Variants in ABCC9 observed in about 807,000 individuals in gnomAD.
ABCC9 encodes the protein ATP binding cassette subfamily C member 9, also known as ATP-binding cassette sub-family C member 9.
Under a neutral mutation model 188.3 loss-of-function variants are expected in ABCC9, and 95 were observed. That is an observed-to-expected ratio of 0.50 (90% CI 0.43 to 0.60). The LOEUF is 0.60. Among genes scored for constraint, ABCC9 ranks in the 20% least tolerant of loss-of-function variants. ABCC9 has a pLI of 0.00. For synonymous variants in ABCC9, 659 were observed against 652.7 expected (o/e 1.01, Z -0.15); for missense variants, 1,102 against 1,876.3 (o/e 0.59, Z 7.62).
Position 21,906,105 on chromosome 12 carries a change from CT to C in ABCC9, c.1618+20del, listed in dbSNP as rs1948034501. 1.2e-6 allele frequency: 2 copies of C among 1,612,040 alleles called. No individual in the cohort carries two copies. On this transcript the variant is annotated intron_variant, in intron 12 of 39. Coordinates refer to ENST00000261200, the MANE Select transcript of ABCC9 (RefSeq NM_020297.4). ...CTGGTTGCCCTTAAAGTCGCCTGTT[CT>C]TAGAGCAACAGCAACTTACTGGAGA...
At chr12:21,904,246 T>C (rs1947922248) in intron 12 of ABCC9, among the ~76,000 whole-genome samples, 1 of 152,182 alleles carries the variant, frequency 6.6e-6, no homozygotes. Flanking sequence ...TGAAACTGGA[T>C]CCCTTCTTTA....
At chr12:21,900,373 A>G (rs1947675498) in intron 12 of ABCC9, among the ~76,000 whole-genome samples, 1 of 152,228 alleles carries the variant, frequency 6.6e-6, no homozygotes, top group African/African-American at 2.4e-5. Flanking sequence ...AACAGAGCAG[A>G]AAAACTGAAA....
intron 29 of ABCC9, 65 bp from the exon 30 acceptor site, chr12:21,838,235 T>C (rs1254704478): frequency 1.7e-6 from 2 of 1,173,720 alleles, no homozygotes; most frequent in East Asian, 2.3e-5. Context: ...CCATGTTTAT[T>C]CTTTAAGAGA....
intron 38 of ABCC9, 38 bp downstream of exon 38, chr12:21,807,308 C>G (rs751517595): frequency 6.2e-7 from 1 of 1,613,336 alleles, no homozygotes; most frequent in South Asian, 1.1e-5. Flanking sequence ...CACATTTCTC[C>G]AATTCGTCAA....
At position 21,863,981 on chromosome 12, in the gene ABCC9, A is replaced by G. The variant is rs1592100943; in HGVS notation, c.2237+458T>C. On this transcript the variant is annotated intron_variant, in intron 19 of 39. Coordinates refer to ENST00000261200, the MANE Select transcript of ABCC9 (RefSeq NM_020297.4). ...ATGCAGAGTAAAACAATGGTTCCCA[A>G]CCTCTGACATGCCTGCTTTCCCCCC... is the stretch of plus-strand genomic sequence containing the variant. 5.3e-5 allele frequency among the ~76,000 whole-genome samples: 8 copies of G among 152,064 alleles called. No individual in the cohort carries two copies. In the South Asian group the frequency reaches 1.7e-3, roughly 32 times the overall value.
At chr12:21,881,763 T>C (rs778232356) in intron 16 of ABCC9, among the ~76,000 whole-genome samples, 15 of 151,786 alleles carry the variant, frequency 9.9e-5, no homozygotes, top group Admixed American at 2.0e-4. Context: ...GTGATTCTAA[T>C]GCATAGCCAA....
At chr12:21,880,400 A>G (rs1946564464) in intron 16 of ABCC9, among the ~76,000 whole-genome samples, 1 of 152,202 alleles carries the variant, frequency 6.6e-6, no homozygotes, top group Non-Finnish European at 1.5e-5. Context: ...ATCCTAGACT[A>G]TATTAAAATT....
chr12:21,802,831 T>C (rs949006789), intron 39 of ABCC9, among the ~76,000 whole-genome samples: 1 of 152,158 alleles, frequency 6.6e-6, no homozygotes, highest in African/African-American at 2.4e-5. Flanking sequence ...GTTGAGGGCC[T>C]ACATTCTGCC....
At chr12:21,848,967 C>G (rs1039814566) in intron 24 of ABCC9, among the ~76,000 whole-genome samples, 1 of 152,116 alleles carries the variant, frequency 6.6e-6, no homozygotes, top group Non-Finnish European at 1.5e-5. Flanking sequence ...TTTCTCCATG[C>G]CCTGCTTCCA....
chr12:21,939,285 C>T (rs140797865), intron 2 of ABCC9, among the ~76,000 whole-genome samples: 5 of 152,236 alleles, frequency 3.3e-5, no homozygotes, highest in African/African-American at 1.2e-4. Flanking sequence ...CCTCATTTAT[C>T]CTTTCCCTTT....
intron 22 of ABCC9, among the ~76,000 whole-genome samples, chr12:21,857,226 A>T (rs1204992799): frequency 6.6e-6 from 1 of 152,220 alleles, no homozygotes; most frequent in Non-Finnish European, 1.5e-5. Flanking sequence ...AGGGACACTT[A>T]TATAAACACT....
At chr12:21,882,279 C>T (rs774202490) in intron 16 of ABCC9, among the ~76,000 whole-genome samples, 6 of 152,130 alleles carry the variant, frequency 3.9e-5, no homozygotes, top group Non-Finnish European at 5.9e-5. Context: ...GCCTGTTCTG[C>T]CTTAACTTAA....
intron 12 of ABCC9, among the ~76,000 whole-genome samples, chr12:21,900,805 G>T (rs1189110669): frequency 6.6e-6 from 1 of 152,196 alleles, no homozygotes; most frequent in Non-Finnish European, 1.5e-5. Context: ...GGGACTATAT[G>T]AAAAGACCAA....
rs1942708107 is a variant in ABCC9 at position 21,817,275 on chromosome 12, G to A, written c.3804C>T (p.Asn1268=). 1.9e-6 allele frequency: 3 copies of A among 1,613,780 alleles called. No homozygotes were observed. Among genetic ancestry groups the A allele is most frequent in the Non-Finnish European group, 2.5e-6 (3 of 1,179,832 alleles). The change falls in exon 33 of 40, where the codon AAC becomes AAT. Residue 1268 remains asparagine (N), a synonymous_variant. Transcript: ENST00000261200. ...ITNYLNWVVR[N]LADLEVQMGA... ...CCATCTGGACCTCCAGGTCAGCCAA[G>A]TTCCTCACAACCCAATTCAAATAAT...
intron 12 of ABCC9, among the ~76,000 whole-genome samples, chr12:21,897,154 G>A (rs1050546249): frequency 3.9e-5 from 6 of 152,122 alleles, no homozygotes; most frequent in African/African-American, 1.4e-4. Context: ...GTTTTGATTT[G>A]CATTTCTCTA....
chr12:21,818,115 T>C lies in ABCC9; in HGVS notation c.3771+35A>G, dbSNP rs1261643723. The C allele has an allele frequency of 2.1e-6, 3 of 1,454,758 alleles. No homozygotes were observed. The Admixed American group carries it at 5.0e-5, about 24-fold the overall frequency. 90.1% of individuals were successfully genotyped at this position (1,454,758 alleles called of 1,614,324 possible). On this transcript the variant is annotated intron_variant, in intron 32 of 39. Transcript: ENST00000261200. Reference sequence around the variant, plus strand: ...ATGAGTGAGAACATGCGGTGTTTGGTTATCTGTTCCTGTAATATTTTTATC... The same window carrying C: ...ATGAGTGAGAACATGCGGTGTTTGGCTATCTGTTCCTGTAATATTTTTATC...
At chr12:21,869,240 C>G (rs1293434854) in intron 18 of ABCC9, among the ~76,000 whole-genome samples, 1 of 152,094 alleles carries the variant, frequency 6.6e-6, no homozygotes, top group East Asian at 1.9e-4. Flanking sequence ...TCAGAATTAT[C>G]TCAATTTCCT....
chr12:21,932,410 T>A (rs557842797), intron 4 of ABCC9, among the ~76,000 whole-genome samples: 48 of 151,892 alleles, frequency 3.2e-4, no homozygotes, highest in Admixed American at 1.4e-3. Flanking sequence ...AAGCAAAAAT[T>A]GACAAATTGC....
intron 35 of ABCC9, among the ~76,000 whole-genome samples, chr12:21,814,262 G>A (rs1942452760): frequency 6.6e-6 from 1 of 152,102 alleles, no homozygotes; most frequent in African/African-American, 2.4e-5. Flanking sequence ...TTACCTCCTT[G>A]TACTTTTTTC....
Sources: gnomAD v4.1 joint callset for allele counts (sites outside exome capture counted in the v4.1 genomes callset) on GRCh38, gnomAD v4.1.1 for gene constraint, MANE v1.5 for transcripts, NCBI Gene and HGNC (gene_info 2026-07-23, HGNC 2026-07-21) for gene names.